Variants in TMCO6 observed in about 807,000 individuals in gnomAD.
The protein encoded by TMCO6 is transmembrane and coiled-coil domains 6.
A neutral mutation model predicts 61.8 loss-of-function variants in TMCO6; 47 were observed. The ratio of observed to expected loss-of-function variants is 0.76; its 90% CI spans 0.60 to 0.97. The LOEUF is 0.97. Among genes scored for constraint, TMCO6 ranks in the 50% least tolerant of loss-of-function variants. TMCO6 has a pLI of 0.00. For synonymous variants in TMCO6, 261 were observed against 254.2 expected (o/e 1.03, Z -0.25); for missense variants, 557 against 601.6 (o/e 0.93, Z 0.78).
At chr5:140,598,267 CATG>C in the TMCO6 span, among the ~76,000 whole-genome samples, 3 of 151,508 alleles carry the variant, frequency 2.0e-5, no homozygotes, top group East Asian at 5.8e-4. Context: ...AGTGCAGTGG[CATG>C]ATATCTCACT....
the TMCO6 span, among the ~76,000 whole-genome samples, chr5:140,608,082 GC>G: frequency 1.3e-5 from 2 of 152,086 alleles, no homozygotes; most frequent in Admixed American, 1.3e-4. Context: ...GAGCCACTGC[GC>G]CCAGCCTCTC....
At chr5:140,610,708 A>T in the TMCO6 span, among the ~76,000 whole-genome samples, 2 of 152,190 alleles carry the variant, frequency 1.3e-5, no homozygotes, top group African/African-American at 4.8e-5. Context: ...TTCAACCTGG[A>T]TGCCATTTAT....
downstream of TMCO6, among the ~76,000 whole-genome samples, chr5:140,645,957 G>A (rs192053300): frequency 1.1e-3 from 161 of 151,930 alleles, no homozygotes; most frequent in Admixed American, 2.2e-3. Flanking sequence ...TATTAACTAC[G>A]GTGAGCAATG....
the TMCO6 span, among the ~76,000 whole-genome samples, chr5:140,612,466 A>T: frequency 4.0e-5 from 6 of 149,994 alleles, no homozygotes; most frequent in African/African-American, 1.5e-4. Flanking sequence ...CAGCCTCCCG[A>T]GTAGCTGGGA....
the TMCO6 span, among the ~76,000 whole-genome samples, chr5:140,619,377 AC>A: frequency 2.6e-5 from 4 of 152,144 alleles, no homozygotes; most frequent in South Asian, 2.1e-4. Context: ...ACAATAAAAC[AC>A]AAATAAAACA....
At chr5:140,624,091 G>A in the TMCO6 span, among the ~76,000 whole-genome samples, 2 of 152,066 alleles carry the variant, frequency 1.3e-5, no homozygotes, top group Non-Finnish European at 2.9e-5. Flanking sequence ...TTTAGGCTTG[G>A]CGTGGTGACT....
chr5:140,626,425 G>T, the TMCO6 span, among the ~76,000 whole-genome samples: 1 of 151,932 alleles, frequency 6.6e-6, no homozygotes, highest in South Asian at 2.1e-4. Flanking sequence ...TTTTAAGACA[G>T]AATCTCACTT....
At chr5:140,598,188 A>C in the TMCO6 span, among the ~76,000 whole-genome samples, 8 of 151,446 alleles carry the variant, frequency 5.3e-5, no homozygotes, top group African/African-American at 1.7e-4. Context: ...TGATTTTTAA[A>C]TTTTATTTTC....
At chr5:140,633,174 G>T in the TMCO6 span, 2 of 1,463,700 alleles carry the variant, frequency 1.4e-6, no homozygotes, top group Non-Finnish European at 1.9e-6. Flanking sequence ...CTTCACACTT[G>T]TGAACTCTTC....
chr5:140,646,199 C>T (rs377128822), downstream of TMCO6, among the ~76,000 whole-genome samples: 5 of 151,886 alleles, frequency 3.3e-5, no homozygotes, highest in East Asian at 1.9e-4. Flanking sequence ...TTAGTAGAGA[C>T]GGGGTTTTAC....
At position 140,639,536 on chromosome 5, in the gene TMCO6, C is replaced by T. The variant is rs1171361984; in HGVS notation, c.9C>T (p.Ser3=). Residue 3 remains serine (S), a synonymous_variant, in exon 1 of 12, where the codon AGC becomes AGT. Coordinates refer to ENST00000394671, the MANE Select transcript of TMCO6 (RefSeq NM_018502.5). MW[S]RRQGRLRPTV... is the part of the protein sequence containing the mutation. ...CCTCCTCCTGCTCCACCATGTGGAG[C>T]CGACGGCAGGGCCGCCTCAGGCCCA... is the stretch of plus-strand genomic sequence containing the variant. The T allele has an allele frequency of 9.0e-6, 14 of 1,549,862 alleles. No individual in the cohort carries two copies. Among genetic ancestry groups the T allele is most frequent in the Middle Eastern group, 3.5e-4 (2 of 5,788 alleles).
chr5:140,644,101 A>C lies in TMCO6; in HGVS notation c.1107A>C (p.Ala369=). The C allele has an allele frequency of 6.2e-7, 1 of 1,614,198 alleles. No individual in the cohort carries two copies. The highest frequency in any genetic ancestry group is 8.5e-7 in the Non-Finnish European group (1 of 1,180,020). The change falls in exon 10 of 12, where the codon GCA becomes GCC. Residue 369 remains alanine, a splice_region_variant and synonymous_variant. Transcript: ENST00000394671. ...TTCACCCTGGTACTTCTCTTCCAGCAAACAGTCCTAGTTTCTGTACCTCCT... is the reference window on the plus strand; with the variant it reads ...TTCACCCTGGTACTTCTCTTCCAGCCAACAGTCCTAGTTTCTGTACCTCCT... The part of the protein sequence containing the change: ...EGLWLLNNLT[A]NSPSFCTSLL...
At chr5:140,602,102 A>G in the TMCO6 span, among the ~76,000 whole-genome samples, 2 of 152,104 alleles carry the variant, frequency 1.3e-5, no homozygotes, top group Non-Finnish European at 2.9e-5. Context: ...TCTATTCTCC[A>G]TATACACTAG....
chr5:140,634,659 T>C (rs1756723850), upstream of TMCO6, among the ~76,000 whole-genome samples: 1 of 151,822 alleles, frequency 6.6e-6, no homozygotes, highest in African/African-American at 2.4e-5. Context: ...CTAATTTTTG[T>C]AGTTTTAGTA....
intron 2 of TMCO6, 30 bp downstream of exon 2, chr5:140,639,881 T>G (rs1196121722): frequency 1.9e-6 from 3 of 1,566,050 alleles, no homozygotes; most frequent in Non-Finnish European, 2.6e-6. Flanking sequence ...TGCGCTGGAG[T>G]CCACGCCCGC....
the TMCO6 span, among the ~76,000 whole-genome samples, chr5:140,615,786 T>C: frequency 1.8e-4 from 27 of 152,238 alleles, no homozygotes; most frequent in Admixed American, 3.3e-4. Flanking sequence ...TATGTAAAAA[T>C]TAACTAAAAA....
chr5:140,622,765 T>G, the TMCO6 span, among the ~76,000 whole-genome samples: 2 of 151,010 alleles, frequency 1.3e-5, no homozygotes, highest in Non-Finnish European at 2.9e-5. Context: ...AGAAAAAGGC[T>G]TCTGAGCAAT....
chr5:140,643,786 T>C lies in TMCO6; in HGVS notation c.925T>C (p.Cys309Arg). ...TEDAGLELLACPVLRCLSNLL... is the reference protein window; with the variant it reads ...TEDAGLELLARPVLRCLSNLL... ...CCCCAATTTGTCTTTGCAGCTGGCA[T>C]GCCCCGTGCTTCGATGTCTAAGCAA... The change falls in exon 9 of 12, where the codon TGC becomes CGC. Residue 309 changes from cysteine (C) to arginine (R), a missense_variant. Cys to Arg is a radical substitution (Grantham distance 180). Coordinates refer to ENST00000394671, the MANE Select transcript of TMCO6 (RefSeq NM_018502.5). 6.2e-7 allele frequency: 1 copy of C among 1,613,960 alleles called. No homozygotes were observed. The highest frequency in any genetic ancestry group is 8.5e-7 in the Non-Finnish European group (1 of 1,179,838).
chr5:140,645,958 G>T (rs1757369282), downstream of TMCO6, among the ~76,000 whole-genome samples: 1 of 151,786 alleles, frequency 6.6e-6, no homozygotes, highest in Non-Finnish European at 1.5e-5. Flanking sequence ...ATTAACTACG[G>T]TGAGCAATGT....
Sources: allele counts gnomAD v4.1 joint callset (sites outside exome capture counted in the v4.1 genomes callset), GRCh38; gene constraint gnomAD v4.1.1; transcripts MANE v1.5; gene names NCBI Gene and HGNC (gene_info 2026-07-23, HGNC 2026-07-21).